The following PACRG variants were observed in gnomAD, a reference collection of about 807,000 sequenced individuals.
PACRG encodes the protein parkin coregulated gene protein.
In PACRG, 29 loss-of-function variants were observed where a neutral mutation model predicts 29.7. That is an observed-to-expected ratio of 0.98 (90% CI 0.73 to 1.33). The LOEUF is 1.33. Among genes scored for constraint, PACRG ranks in the 40% most tolerant of loss-of-function variants. The pLI is 0.00. For missense variants in PACRG, 279 were observed against 316.2 expected (o/e 0.88, Z 0.89); for synonymous variants, 116 against 118.7 (o/e 0.98, Z 0.15).
intron 2 of PACRG, among the ~76,000 whole-genome samples, chr6:162,900,547 C>T (rs1795487791): frequency 6.6e-6 from 1 of 152,178 alleles, no homozygotes; most frequent in South Asian, 2.1e-4. Flanking sequence ...TTTCTTCAAA[C>T]TTCTTTTGGC....
At chr6:163,110,037 A>G (rs1815621219) in intron 4 of PACRG, among the ~76,000 whole-genome samples, 1 of 152,084 alleles carries the variant, frequency 6.6e-6, no homozygotes, top group Non-Finnish European at 1.5e-5. Flanking sequence ...TAGTGTGGAG[A>G]TACTATATGC....
At chr6:162,872,700 C>A (rs73019566) in intron 2 of PACRG, among the ~76,000 whole-genome samples, 16,395 of 151,970 alleles carry the variant, frequency 0.11, 1,242 homozygotes, top group African/African-American at 0.21. Context: ...TTTGTAAAAC[C>A]TTTTCAAGAA....
intron 4 of PACRG, among the ~76,000 whole-genome samples, chr6:163,250,505 A>G (rs903472248): frequency 1.3e-5 from 2 of 152,238 alleles, no homozygotes; most frequent in East Asian, 3.8e-4. Context: ...TATCAGTTCT[A>G]GGAGCTTTCT....
chr6:163,031,837 T>C (rs1430588723), intron 2 of PACRG, among the ~76,000 whole-genome samples: 2 of 152,154 alleles, frequency 1.3e-5, no homozygotes, highest in Non-Finnish European at 2.9e-5. Flanking sequence ...CATTCTTTAC[T>C]TACCACAGGT....
intron 4 of PACRG, among the ~76,000 whole-genome samples, chr6:163,172,898 G>T (rs1183731158): frequency 2.0e-5 from 3 of 152,182 alleles, no homozygotes; most frequent in African/African-American, 7.2e-5. Context: ...TTTAATAATA[G>T]TGAAAAATGA....
chr6:162,874,211 G>GT (rs1793091734), intron 2 of PACRG, among the ~76,000 whole-genome samples: 3 of 150,634 alleles, frequency 2.0e-5, no homozygotes, highest in African/African-American at 7.3e-5. Context: ...AAATAGTTGA[G>GT]TTTTTTTGTA....
intron 4 of PACRG, among the ~76,000 whole-genome samples, chr6:163,227,580 C>T (rs543076094): frequency 2.6e-5 from 4 of 152,306 alleles, no homozygotes; most frequent in African/African-American, 9.6e-5. Flanking sequence ...CATGAAGGAG[C>T]AGAGCCAGCA....
chr6:162,829,810 G>A (rs57940803), intron 2 of PACRG, among the ~76,000 whole-genome samples: 2,919 of 152,262 alleles, frequency 0.019, 101 homozygotes, highest in African/African-American at 0.064. Flanking sequence ...ATGTGTGAGA[G>A]AACTTCCTGC....
chr6:162,862,942 T>G (rs1167034576), intron 2 of PACRG, among the ~76,000 whole-genome samples: 3 of 152,212 alleles, frequency 2.0e-5, no homozygotes, highest in Non-Finnish European at 4.4e-5. Context: ...AATCATTTAA[T>G]CTTGCTACTC....
intron 3 of PACRG, among the ~76,000 whole-genome samples, chr6:163,077,302 G>T (rs1317702870): frequency 6.6e-6 from 1 of 152,146 alleles, no homozygotes; most frequent in Non-Finnish European, 1.5e-5. Context: ...GACCCTGGTT[G>T]CCAAAGAATT....
intron 4 of PACRG, among the ~76,000 whole-genome samples, chr6:163,120,424 G>C (rs1409359042): frequency 1.3e-5 from 2 of 152,184 alleles, no homozygotes; most frequent in Non-Finnish European, 2.9e-5. Flanking sequence ...TAGGGGCGCT[G>C]TTGGGGTGAG....
intron 4 of PACRG, among the ~76,000 whole-genome samples, chr6:163,260,932 C>T (rs75097332): frequency 0.019 from 2,888 of 151,942 alleles, 53 homozygotes; most frequent in African/African-American, 0.044. Context: ...AATCTAGGAA[C>T]CTTTTTTTTT....
At chr6:162,893,034 AC>A (rs1794899318) in intron 2 of PACRG, among the ~76,000 whole-genome samples, 1 of 151,456 alleles carries the variant, frequency 6.6e-6, no homozygotes, top group Admixed American at 6.6e-5. Context: ...ATCCCGGAGA[AC>A]CACGTCAGCC....
intron 1 of PACRG, among the ~76,000 whole-genome samples, chr6:162,813,531 T>TA (rs1484519308): frequency 8.5e-5 from 13 of 152,138 alleles, no homozygotes; most frequent in Admixed American, 8.5e-4. Flanking sequence ...TCATCAGTTC[T>TA]AATTTCTCAC....
At chr6:162,938,615 C>T (rs1798401090) in intron 2 of PACRG, among the ~76,000 whole-genome samples, 1 of 152,170 alleles carries the variant, frequency 6.6e-6, no homozygotes, top group Non-Finnish European at 1.5e-5. Context: ...ACACTCCCAC[C>T]AGCAGTGTAG....
upstream of PACRG, chr6:162,727,784 C>A (rs1779380840): frequency 1.8e-6 from 2 of 1,128,224 alleles, no homozygotes; most frequent in Non-Finnish European, 2.6e-6. Flanking sequence ...TCCCCGCCCC[C>A]GCGCCCGGCC....
In PACRG at chr6:162,859,452, C is replaced by T. The variant is rs576851543; in HGVS notation, c.291+45171C>T. Among the ~76,000 whole-genome samples the T allele has an allele frequency of 2.0e-5, 3 of 152,242 alleles. No homozygotes were observed. The South Asian group carries it at 6.2e-4, about 32-fold the overall frequency. On this transcript the variant is annotated intron_variant, in intron 2 of 4. Coordinates refer to ENST00000366888, the MANE Select transcript of PACRG (RefSeq NM_001080379.2). ...AGGGCTAGAAATTCAACTCAGCACA[C>T]GTTTAACTGAGGAGTATCAGGGTTC...
At chr6:163,014,662 G>A (rs947688411) in intron 2 of PACRG, among the ~76,000 whole-genome samples, 1 of 152,040 alleles carries the variant, frequency 6.6e-6, no homozygotes, top group Non-Finnish European at 1.5e-5. Context: ...CTTTTGAGAA[G>A]TGTCTGTTCA....
intron 2 of PACRG, among the ~76,000 whole-genome samples, chr6:162,913,998 A>T (rs1005156982): frequency 1.3e-5 from 2 of 152,050 alleles, no homozygotes; most frequent in Admixed American, 6.6e-5. Context: ...GTTTCAAATA[A>T]TTTTTCTCAG....
Sources: allele counts gnomAD v4.1 joint callset (sites outside exome capture counted in the v4.1 genomes callset), GRCh38; gene constraint gnomAD v4.1.1; transcripts MANE v1.5; gene names NCBI Gene and HGNC (gene_info 2026-07-23, HGNC 2026-07-21).